The following KCNT2 variants were observed in gnomAD, a reference collection of about 807,000 sequenced individuals.
The protein encoded by KCNT2 is potassium channel subfamily T member 2.
A neutral mutation model predicts 153.8 loss-of-function variants in KCNT2; 67 were observed. The observed-to-expected ratio is 0.44, with a 90% CI of 0.36 to 0.53. The LOEUF is 0.53. Ranked by LOEUF, KCNT2 falls within the 20% of genes least tolerant of loss-of-function variation. The pLI is 0.00. For missense variants in KCNT2, 975 were observed against 1,354.8 expected (o/e 0.72, Z 4.40); for synonymous variants, 500 against 458.8 (o/e 1.09, Z -1.15).
intron 26 of KCNT2, among the ~76,000 whole-genome samples, chr1:196,254,604 C>T (rs572675153): frequency 1.5e-3 from 232 of 151,510 alleles, no homozygotes; most frequent in African/African-American, 5.4e-3. Context: ...TTAAAAAATA[C>T]GAAAACTTAT....
At chr1:196,471,111 G>C (rs936366466) in intron 5 of KCNT2, among the ~76,000 whole-genome samples, 1 of 151,284 alleles carries the variant, frequency 6.6e-6, no homozygotes, top group Non-Finnish European at 1.5e-5. Context: ...GTTTCACCGT[G>C]TTAGCCAGGA....
At chr1:196,453,624 T>C (rs1244043339) in intron 8 of KCNT2, among the ~76,000 whole-genome samples, 1 of 151,966 alleles carries the variant, frequency 6.6e-6, no homozygotes, top group Non-Finnish European at 1.5e-5. Flanking sequence ...CCTCCACTTC[T>C]TGGTCACTCA....
chr1:196,331,508 A>G (rs1476610970), intron 17 of KCNT2, among the ~76,000 whole-genome samples: 2 of 152,004 alleles, frequency 1.3e-5, no homozygotes, highest in African/African-American at 2.4e-5. Context: ...TCAAACTAGT[A>G]TTTCATGTCA....
intron 11 of KCNT2, among the ~76,000 whole-genome samples, chr1:196,423,562 C>CTT (rs1186698123): frequency 6.6e-6 from 1 of 151,608 alleles, no homozygotes; most frequent in Admixed American, 6.6e-5. Context: ...CATTCATCAT[C>CTT]TTTTTCCAAG....
intron 22 of KCNT2, among the ~76,000 whole-genome samples, chr1:196,302,061 A>G (rs886652712): frequency 1.3e-5 from 2 of 152,106 alleles, no homozygotes; most frequent in African/African-American, 4.8e-5. Context: ...TCTTAATTGT[A>G]TTTCTAAAGG....
intron 1 of KCNT2, among the ~76,000 whole-genome samples, chr1:196,519,246 C>T (rs570112822): frequency 6.6e-6 from 1 of 152,128 alleles, no homozygotes; most frequent in East Asian, 1.9e-4. Flanking sequence ...TTTTGAAACT[C>T]GTGAGAACAA....
chr1:196,603,138 C>T (rs953397027), intron 1 of KCNT2, among the ~76,000 whole-genome samples: 7 of 152,034 alleles, frequency 4.6e-5, no homozygotes, highest in Non-Finnish European at 1.0e-4. Context: ...TTTCTATTGC[C>T]TTATTTGTGG....
At chr1:196,485,145 A>G (rs1679319009) in intron 3 of KCNT2, among the ~76,000 whole-genome samples, 1 of 152,090 alleles carries the variant, frequency 6.6e-6, no homozygotes, top group African/African-American at 2.4e-5. Context: ...GGTCCTTTTT[A>G]GGGACATGGA....
At chr1:196,469,614 C>A (rs769625864) in intron 5 of KCNT2, among the ~76,000 whole-genome samples, 3 of 151,982 alleles carry the variant, frequency 2.0e-5, no homozygotes, top group African/African-American at 7.3e-5. Flanking sequence ...TTTGCAGGAC[C>A]CAGTGCAAAA....
chr1:196,558,444 GT>G (rs1354657790), intron 1 of KCNT2, among the ~76,000 whole-genome samples: 1 of 150,796 alleles, frequency 6.6e-6, no homozygotes, highest in Non-Finnish European at 1.5e-5. Context: ...TTTGGGGGGT[GT>G]TTTTTACTTG....
At chr1:196,236,735 T>C (rs1654476745) in intron 26 of KCNT2, among the ~76,000 whole-genome samples, 1 of 151,626 alleles carries the variant, frequency 6.6e-6, no homozygotes, top group Non-Finnish European at 1.5e-5. Flanking sequence ...TGAACCCTTT[T>C]AATTTATTAA....
rs559457333 is a variant in KCNT2 at position 196,264,852 on chromosome 1, A to G, written c.2911-6358T>C. The stretch of plus-strand genomic sequence containing the variant: ...CACCATGTTGCCCTGGCTGGCCTAG[A>G]ACTCCTGAGCTCAAGCTATCCTCCC... On this transcript the variant is annotated intron_variant, in intron 25 of 27. Coordinates refer to ENST00000294725, the MANE Select transcript of KCNT2 (RefSeq NM_198503.5). Among the ~76,000 whole-genome samples, 10 of 152,198 alleles carry G rather than the reference A, an allele frequency of 6.6e-5. No homozygotes were observed. The South Asian group carries it at 1.7e-3, about 25-fold the overall frequency.
chr1:196,584,409 A>G (rs1435160319), intron 1 of KCNT2, among the ~76,000 whole-genome samples: 1 of 152,072 alleles, frequency 6.6e-6, no homozygotes, highest in Non-Finnish European at 1.5e-5. Context: ...GCTTTTATTA[A>G]AAAGATTCTA....
intron 8 of KCNT2, among the ~76,000 whole-genome samples, chr1:196,463,564 T>A (rs1422814889): frequency 6.6e-6 from 1 of 151,518 alleles, no homozygotes; most frequent in Non-Finnish European, 1.5e-5. Context: ...TTAGATAACA[T>A]CTCAAAACCA....
intron 12 of KCNT2, among the ~76,000 whole-genome samples, chr1:196,399,765 C>T (rs776011506): frequency 6.6e-6 from 1 of 151,734 alleles, no homozygotes; most frequent in Non-Finnish European, 1.5e-5. Context: ...TCTGGTAGGC[C>T]TCATCGTGAG....
intron 14 of KCNT2, among the ~76,000 whole-genome samples, chr1:196,361,051 C>T (rs1305833797): frequency 1.1e-4 from 16 of 152,064 alleles, no homozygotes; most frequent in Non-Finnish European, 1.5e-5. Context: ...TGGAAATCCA[C>T]TCAGCAGAAA....
In KCNT2 at chr1:196,227,469, A is replaced by G. The variant is rs572856024; in HGVS notation, c.*755T>C. The G allele has an allele frequency of 6.6e-6, 1 of 152,080 alleles. No individual in the cohort carries two copies. Among genetic ancestry groups the G allele is most frequent in the African/African-American group, 2.4e-5 (1 of 41,464 alleles). 9.4% of individuals were successfully genotyped at this position (152,080 alleles called of 1,614,324 possible). A position where few individuals can be genotyped will look rare whatever the true frequency, so the allele number is the denominator to read the frequency against. Reference sequence around the variant, plus strand: ...ATTAAGTATTTTCTCTATGCTAGGCATTCGTTTAGGAGAATAATAGATATT... The same window carrying G: ...ATTAAGTATTTTCTCTATGCTAGGCGTTCGTTTAGGAGAATAATAGATATT... On this transcript the variant is annotated 3_prime_UTR_variant, in exon 28 of 28. Coordinates refer to ENST00000294725, the MANE Select transcript of KCNT2 (RefSeq NM_198503.5).
intron 1 of KCNT2, among the ~76,000 whole-genome samples, chr1:196,568,841 A>G (rs1038027760): frequency 4.6e-5 from 7 of 151,802 alleles, no homozygotes; most frequent in Non-Finnish European, 8.8e-5. Context: ...TACTGGTTGA[A>G]TGCATGCCAG....
At chr1:196,314,319 A>T (rs542176383) in intron 21 of KCNT2, among the ~76,000 whole-genome samples, 5 of 151,570 alleles carry the variant, frequency 3.3e-5, no homozygotes, top group Non-Finnish European at 7.4e-5. Context: ...CATGATTTTT[A>T]CCCTACTCAC....
Sources: gnomAD v4.1 joint callset for allele counts (sites outside exome capture counted in the v4.1 genomes callset) on GRCh38, gnomAD v4.1.1 for gene constraint, MANE v1.5 for transcripts, NCBI Gene and HGNC (gene_info 2026-07-23, HGNC 2026-07-21) for gene names.